SLC12A2: variants seen among roughly 807,000 people sequenced by gnomAD.
The protein encoded by SLC12A2 is Na-K-2Cl cotransporter 1.
In SLC12A2, 67 loss-of-function variants were observed where a neutral mutation model predicts 136.3. The ratio of observed to expected loss-of-function variants is 0.49; its 90% CI spans 0.40 to 0.60. SLC12A2 has a LOEUF of 0.60. Ranked by LOEUF, SLC12A2 falls within the 20% of genes least tolerant of loss-of-function variation. The pLI, the probability that SLC12A2 is intolerant of heterozygous loss-of-function variation, is 0.00. For synonymous variants in SLC12A2, 619 were observed against 562.9 expected (o/e 1.10, Z -1.41); for missense variants, 1,322 against 1,534.7 (o/e 0.86, Z 2.32).
At chr5:128,101,932 G>C (rs1171142536) in intron 1 of SLC12A2, among the ~76,000 whole-genome samples, 1 of 152,114 alleles carries the variant, frequency 6.6e-6, no homozygotes, top group Non-Finnish European at 1.5e-5. Flanking sequence ...GTATGCAAAA[G>C]TCCTTTTTTT....
Position 128,131,046 on chromosome 5 carries a change from TG to T in SLC12A2, c.1049-20del, listed in dbSNP as rs1302236208. 1 of 1,593,206 alleles carries T rather than the reference TG, an allele frequency of 6.3e-7. No homozygotes were observed. Among genetic ancestry groups the T allele is most frequent in the Non-Finnish European group, 8.6e-7 (1 of 1,165,674 alleles). Reference sequence around the variant, plus strand: ...TCCTAACTTTAGTACCTGTTTTTTTTGTTTGTTTGTTTGTTTTTAGGAGGAG... The same window carrying T: ...TCCTAACTTTAGTACCTGTTTTTTTTTTTGTTTGTTTGTTTTTAGGAGGAG... On this transcript the variant is annotated intron_variant, in intron 4 of 26. Transcript: ENST00000262461.
chr5:128,087,520 T>A (rs1407233403), intron 1 of SLC12A2, among the ~76,000 whole-genome samples: 1 of 152,114 alleles, frequency 6.6e-6, no homozygotes, highest in Non-Finnish European at 1.5e-5. Context: ...AAGTTGATGA[T>A]TGGGTGGAAT....
rs371197431 is a variant in SLC12A2, at chr5:128,115,244, C to T, written c.1048+563C>T. Among the ~76,000 whole-genome samples the T allele has an allele frequency of 3.9e-5, 6 of 152,310 alleles. No individual in the cohort carries two copies. In the South Asian group the frequency reaches 1.2e-3, roughly 32 times the overall value. The stretch of plus-strand genomic sequence containing the variant: ...GGTTTAAGTGATTCTTCTGCATCAG[C>T]CTCCTGAGTAGCTAGGATTACAGAC... On this transcript the variant is annotated intron_variant, in intron 4 of 26. Coordinates refer to ENST00000262461, the MANE Select transcript of SLC12A2 (RefSeq NM_001046.3).
At chr5:128,120,888 T>C (rs1761548970) in intron 4 of SLC12A2, among the ~76,000 whole-genome samples, 1 of 152,002 alleles carries the variant, frequency 6.6e-6, no homozygotes. Context: ...AAATAAAAAT[T>C]AATGTTAACT....
At chr5:128,177,238 T>C (rs1029762424) in intron 21 of SLC12A2, 86 bp downstream of exon 21, 2 of 965,320 alleles carry the variant, frequency 2.1e-6, no homozygotes, top group African/African-American at 3.5e-5. Flanking sequence ...TTTTTAACCT[T>C]GGTTTTTATT....
At chr5:128,148,395 T>G (rs1762596573) in intron 11 of SLC12A2, among the ~76,000 whole-genome samples, 1 of 151,822 alleles carries the variant, frequency 6.6e-6, no homozygotes, top group African/African-American at 2.4e-5. Context: ...ATCAAGATTT[T>G]TATCTGCTTT....
At chr5:128,144,982 G>T (rs1178435034) in intron 10 of SLC12A2, among the ~76,000 whole-genome samples, 2 of 151,138 alleles carry the variant, frequency 1.3e-5, no homozygotes, top group African/African-American at 2.4e-5. Flanking sequence ...GTATATTGTT[G>T]ACACTAATAT....
intron 1 of SLC12A2, among the ~76,000 whole-genome samples, chr5:128,087,116 A>G (rs2126635040): frequency 6.6e-6 from 1 of 152,328 alleles, no homozygotes; most frequent in East Asian, 1.9e-4. Context: ...TCCTTTCATT[A>G]TCCATCACTG....
intron 15 of SLC12A2, among the ~76,000 whole-genome samples, chr5:128,156,388 GA>G (rs1228191043): frequency 6.6e-6 from 1 of 152,130 alleles, no homozygotes; most frequent in Non-Finnish European, 1.5e-5. Flanking sequence ...ATGCCGTGGA[GA>G]GTTTTGAGAA....
chr5:128,121,397 A>C (rs1336284912), intron 4 of SLC12A2, among the ~76,000 whole-genome samples: 2 of 151,886 alleles, frequency 1.3e-5, no homozygotes, highest in Non-Finnish European at 2.9e-5. Flanking sequence ...ATCTCGGCTC[A>C]CTGCAAGCTC....
At chr5:128,093,267 C>A (rs1760405641) in intron 1 of SLC12A2, among the ~76,000 whole-genome samples, 1 of 152,098 alleles carries the variant, frequency 6.6e-6, no homozygotes, top group East Asian at 1.9e-4. Context: ...AGCCTCGCAT[C>A]CTTTGCAGTC....
At position 128,187,803 on chromosome 5, in the gene SLC12A2, G is replaced by C. The variant is rs578062954; in HGVS notation, c.*1172G>C. 1 of 152,536 alleles carries C rather than the reference G, an allele frequency of 6.6e-6. No individual in the cohort carries two copies. The highest frequency in any genetic ancestry group is 2.4e-5 in the African/African-American group (1 of 41,424). 9.4% of individuals were successfully genotyped at this position (152,536 alleles called of 1,614,324 possible). A position where few individuals can be genotyped will look rare whatever the true frequency, so the allele number is the denominator to read the frequency against. On this transcript the variant is annotated 3_prime_UTR_variant, in exon 27 of 27. Transcript: ENST00000262461. Reference sequence around the variant, plus strand: ...TTTTGTTAAGAAAAACTGCCAGTTTGTGCTTTTGAAATGTCTGTTTTGACA... The same window carrying C: ...TTTTGTTAAGAAAAACTGCCAGTTTCTGCTTTTGAAATGTCTGTTTTGACA...
chr5:128,175,970 G>C (rs1763528835), intron 20 of SLC12A2, among the ~76,000 whole-genome samples: 1 of 151,742 alleles, frequency 6.6e-6, no homozygotes, highest in African/African-American at 2.4e-5. Context: ...ATTAGTGTTT[G>C]CTTTATTTTG....
rs779284660 is a variant in SLC12A2, at chr5:128,112,944, A to G, written c.876+11A>G. On this transcript the variant is annotated intron_variant, in intron 2 of 26. Transcript: ENST00000262461. ...ATCAAGGGTGTATTAGTATGTATAT[A>G]TAGACTTAATTTTATAGTTACAGCA... is the stretch of plus-strand genomic sequence containing the variant. 18 of 1,573,282 alleles carry G rather than the reference A, an allele frequency of 1.1e-5. No individual in the cohort carries two copies. Among genetic ancestry groups the G allele is most frequent in the Non-Finnish European group, 1.5e-5 (18 of 1,165,220 alleles).
At chr5:128,148,968 GTATACTAAGTTT>G (rs1379382219) in intron 12 of SLC12A2, 91 bp downstream of exon 12, 3 of 1,086,474 alleles carry the variant, frequency 2.8e-6, no homozygotes, top group African/African-American at 3.2e-5. Flanking sequence ...TGTTATCTTG[GTATACTAAGTTT>G]CTTTGTAATC....
chr5:128,120,540 T>G (rs1291650964), intron 4 of SLC12A2, among the ~76,000 whole-genome samples: 1 of 151,276 alleles, frequency 6.6e-6, no homozygotes, highest in Non-Finnish European at 1.5e-5. Flanking sequence ...TAAAAAATGA[T>G]GAGTTCATGT....
At chr5:128,136,089 G>C (rs544776117) in intron 7 of SLC12A2, among the ~76,000 whole-genome samples, 6 of 152,176 alleles carry the variant, frequency 3.9e-5, no homozygotes, top group African/African-American at 7.2e-5. Context: ...CTAGTTTTGG[G>C]AATTTGTAAC....
intron 22 of SLC12A2, among the ~76,000 whole-genome samples, chr5:128,179,692 T>C (rs1035426597): frequency 2.6e-5 from 4 of 151,970 alleles, no homozygotes; most frequent in African/African-American, 9.7e-5. Flanking sequence ...CCCGGTCTCA[T>C]GAGAACTATC....
chr5:128,147,758 T>G (rs1239654151), intron 11 of SLC12A2, 29 bp downstream of exon 11: 2 of 1,332,212 alleles, frequency 1.5e-6, no homozygotes, highest in Non-Finnish European at 1.1e-6. Flanking sequence ...CAGGCTTTAT[T>G]AAAGGGAGAG....
Sources: allele counts gnomAD v4.1 joint callset (sites outside exome capture counted in the v4.1 genomes callset), GRCh38; gene constraint gnomAD v4.1.1; transcripts MANE v1.5; gene names NCBI Gene and HGNC (gene_info 2026-07-23, HGNC 2026-07-21).